BABAM2: variants seen among roughly 807,000 people sequenced by gnomAD.
The protein encoded by BABAM2 is BRISC and BRCA1 A complex member 2, also known as BRISC and BRCA1-A complex member 2.
In BABAM2, 31 loss-of-function variants were observed where a neutral mutation model predicts 54.7. That is an observed-to-expected ratio of 0.57 (90% CI 0.43 to 0.77). The LOEUF is 0.77. BABAM2 is among the 30% of genes least tolerant of loss of function. The pLI is 0.00. For synonymous variants in BABAM2, 167 were observed against 162.9 expected, an observed-to-expected ratio of 1.03 and a Z score of -0.19; for missense variants, 364 against 455.8, an observed-to-expected ratio of 0.80 and a Z score of 1.83.
intron 6 of BABAM2, among the ~76,000 whole-genome samples, chr2:28,112,375 A>C (rs1668214021): frequency 6.6e-6 from 1 of 151,168 alleles, no homozygotes; most frequent in South Asian, 2.1e-4. Context: ...ACCCCCTGAC[A>C]GGCCCTGGTG....
intron 3 of BABAM2, among the ~76,000 whole-genome samples, chr2:27,948,662 T>A (rs547842582): frequency 6.6e-6 from 1 of 152,218 alleles, no homozygotes; most frequent in South Asian, 2.1e-4. Context: ...TCCCAGCTAC[T>A]TGGGAGGCTG....
intron 4 of BABAM2, chr2:28,016,115 C>A: frequency 9.2e-7 from 1 of 1,091,602 alleles, no homozygotes; most frequent in East Asian, 2.8e-5. Context: ...TGTTTCTTAC[C>A]CTTATCTTCA....
intron 4 of BABAM2, among the ~76,000 whole-genome samples, chr2:28,008,423 G>C (rs1369340990): frequency 6.6e-6 from 1 of 152,104 alleles, no homozygotes; most frequent in Non-Finnish European, 1.5e-5. Context: ...GTGTACCCAG[G>C]TAACACAAAT....
chr2:27,933,284 C>A (rs1476461527), intron 3 of BABAM2, among the ~76,000 whole-genome samples: 3 of 152,010 alleles, frequency 2.0e-5, no homozygotes, highest in Non-Finnish European at 2.9e-5. Flanking sequence ...ATTTAGCCCA[C>A]AGTATGCTCT....
intron 6 of BABAM2, among the ~76,000 whole-genome samples, chr2:28,058,669 C>A (rs1023725347): frequency 6.6e-6 from 1 of 151,982 alleles, no homozygotes; most frequent in Admixed American, 6.6e-5. Flanking sequence ...GTGCCAGAAC[C>A]TTCTAGCCGG....
chr2:28,209,518 A>C (rs76994435), intron 7 of BABAM2, among the ~76,000 whole-genome samples: 22 of 152,186 alleles, frequency 1.4e-4, no homozygotes, highest in Admixed American at 1.4e-3. Context: ...TGGACACTGA[A>C]TTATAAGCAT....
intron 6 of BABAM2, among the ~76,000 whole-genome samples, chr2:28,116,064 A>G (rs888198277): frequency 5.9e-5 from 9 of 151,762 alleles, no homozygotes; most frequent in Non-Finnish European, 7.4e-5. Context: ...GCAGTGAGCC[A>G]AGATCACACC....
At chr2:27,904,995 TG>T (rs1666089350) in intron 2 of BABAM2, among the ~76,000 whole-genome samples, 1 of 152,250 alleles carries the variant, frequency 6.6e-6, no homozygotes, top group Admixed American at 6.5e-5. Context: ...GCGTGCTTAC[TG>T]TTAACTTTAT....
chr2:28,113,663 GT>G (rs768595084), intron 6 of BABAM2, among the ~76,000 whole-genome samples: 1 of 152,100 alleles, frequency 6.6e-6, no homozygotes, highest in African/African-American at 2.4e-5. Flanking sequence ...GAAATTTAAG[GT>G]AGTTTTTTCT....
chr2:27,984,750 A>G (rs969887047), intron 3 of BABAM2, among the ~76,000 whole-genome samples: 3 of 151,842 alleles, frequency 2.0e-5, no homozygotes, highest in African/African-American at 7.3e-5. Flanking sequence ...GGTTACATGA[A>G]TAAATTCTTT....
chr2:27,946,714 A>C (rs1047146511), intron 3 of BABAM2, among the ~76,000 whole-genome samples: 1 of 152,056 alleles, frequency 6.6e-6, no homozygotes, highest in Non-Finnish European at 1.5e-5. Flanking sequence ...AGAGAGAGAG[A>C]GAGCAAGAGA....
intron 4 of BABAM2, among the ~76,000 whole-genome samples, chr2:27,996,144 T>C (rs1673129396): frequency 6.6e-6 from 1 of 152,246 alleles, no homozygotes; most frequent in Non-Finnish European, 1.5e-5. Context: ...TTTTGGTGTT[T>C]CTGGTAGTTT....
chr2:28,172,918 C>T (rs1674514342), intron 7 of BABAM2, among the ~76,000 whole-genome samples: 1 of 152,150 alleles, frequency 6.6e-6, no homozygotes, highest in Admixed American at 6.5e-5. Context: ...GCTAAGAAAT[C>T]CAAAATCACT....
intron 6 of BABAM2, among the ~76,000 whole-genome samples, chr2:28,070,610 C>T (rs968157726): frequency 1.1e-4 from 17 of 149,392 alleles, no homozygotes; most frequent in African/African-American, 3.2e-4. Context: ...AGTGCAGTGG[C>T]GGGATCTCGG....
At chr2:28,220,871 G>C (rs1453069772) in intron 7 of BABAM2, among the ~76,000 whole-genome samples, 2 of 152,212 alleles carry the variant, frequency 1.3e-5, no homozygotes, top group Non-Finnish European at 2.9e-5. Context: ...GCAGTGAGCT[G>C]TGATGGTGCC....
intron 4 of BABAM2, among the ~76,000 whole-genome samples, chr2:28,007,483 T>A (rs1246124379): frequency 6.6e-6 from 1 of 152,120 alleles, no homozygotes; most frequent in Non-Finnish European, 1.5e-5. Context: ...ATAGTGATCC[T>A]GGCACAGTAT....
intron 7 of BABAM2, among the ~76,000 whole-genome samples, chr2:28,191,240 A>C (rs1321583009): frequency 6.6e-6 from 1 of 152,240 alleles, no homozygotes; most frequent in Non-Finnish European, 1.5e-5. Flanking sequence ...GTAAAATTTA[A>C]AAGTTTGACC....
intron 6 of BABAM2, among the ~76,000 whole-genome samples, chr2:28,082,649 T>A (rs554102763): frequency 3.3e-5 from 5 of 152,330 alleles, no homozygotes; most frequent in Non-Finnish European, 7.3e-5. Context: ...ATTGGATGGT[T>A]GCTATTTTCA....
At chr2:28,231,408 A>C (rs1366396097) in intron 7 of BABAM2, among the ~76,000 whole-genome samples, 1 of 152,196 alleles carries the variant, frequency 6.6e-6, no homozygotes, top group Non-Finnish European at 1.5e-5. Context: ...CCTTAGACAT[A>C]GTTAGGCATA....
Sources: allele counts gnomAD v4.1 joint callset (sites outside exome capture counted in the v4.1 genomes callset), GRCh38; gene constraint gnomAD v4.1.1; transcripts MANE v1.5; gene names NCBI Gene and HGNC (gene_info 2026-07-23, HGNC 2026-07-21).